ZNF385D: variants seen among roughly 807,000 people sequenced by gnomAD.
The protein encoded by ZNF385D is zinc finger protein 385D.
A neutral mutation model predicts 35.8 loss-of-function variants in ZNF385D; 15 were observed. The ratio of observed to expected loss-of-function variants is 0.42; its 90% CI spans 0.28 to 0.64. The LOEUF is 0.64. ZNF385D is among the 30% of genes least tolerant of loss of function. The pLI, the probability that ZNF385D is intolerant of heterozygous loss-of-function variation, is 0.23. For missense variants in ZNF385D, 474 were observed against 494.6 expected (o/e 0.96, Z 0.39); for synonymous variants, 212 against 186.8 (o/e 1.13, Z -1.10).
At chr3:21,896,850 A>T (rs1040794893) in intron 3 of ZNF385D, among the ~76,000 whole-genome samples, 1 of 151,022 alleles carries the variant, frequency 6.6e-6, no homozygotes, top group Non-Finnish European at 1.5e-5. Context: ...CTTAAACTAG[A>T]CAGAGGTGAG....
At chr3:21,938,350 G>A (rs1575961240) in intron 3 of ZNF385D, among the ~76,000 whole-genome samples, 1 of 152,272 alleles carries the variant, frequency 6.6e-6, no homozygotes, top group East Asian at 1.9e-4. Flanking sequence ...AGTGTATCAG[G>A]TCCAAGCCTG....
chr3:21,467,304 T>C (rs1348112478), intron 4 of ZNF385D, among the ~76,000 whole-genome samples: 2 of 152,192 alleles, frequency 1.3e-5, no homozygotes, highest in Non-Finnish European at 2.9e-5. Flanking sequence ...ATTGTAGTTA[T>C]TAGGAGTTTA....
chr3:21,700,206 G>A (rs1419015358), intron 1 of ZNF385D, among the ~76,000 whole-genome samples: 1 of 152,076 alleles, frequency 6.6e-6, no homozygotes, highest in Non-Finnish European at 1.5e-5. Context: ...GGGTAAAGGG[G>A]TTTAGCATGG....
intron 3 of ZNF385D, among the ~76,000 whole-genome samples, chr3:21,564,242 A>G (rs1257792719): frequency 6.6e-6 from 1 of 152,186 alleles, no homozygotes; most frequent in African/African-American, 2.4e-5. Context: ...GTAACCTATT[A>G]AAAGTTCCAT....
At chr3:21,872,095 A>C (rs932790733) in intron 3 of ZNF385D, among the ~76,000 whole-genome samples, 5 of 152,162 alleles carry the variant, frequency 3.3e-5, no homozygotes, top group African/African-American at 4.8e-5. Context: ...TTTATATTTT[A>C]TATCATCCTA....
At chr3:22,258,774 TTAAAA>T (rs1268964803) in intron 2 of ZNF385D, among the ~76,000 whole-genome samples, 1 of 151,808 alleles carries the variant, frequency 6.6e-6, no homozygotes, top group Non-Finnish European at 1.5e-5. Flanking sequence ...TATTTGCATG[TTAAAA>T]TAACATGTTT....
rs926368756 is a variant in ZNF385D at position 21,523,821 on chromosome 3, A to C, written c.277-12798T>G. Among the ~76,000 whole-genome samples the C allele has an allele frequency of 1.3e-5, 2 of 152,098 alleles. 1 individual carries two copies. ...TAAAACATGTTTGCATTTGTATGAC[A>C]TCACTCTGGCAGGGGCAGGGAGTCT... On this transcript the variant is annotated intron_variant, in intron 3 of 7. Coordinates refer to ENST00000281523, the MANE Select transcript of ZNF385D (RefSeq NM_024697.3).
intron 3 of ZNF385D, among the ~76,000 whole-genome samples, chr3:22,110,788 TAA>T (rs72518246): frequency 3.5e-5 from 5 of 140,934 alleles, no homozygotes; most frequent in East Asian, 2.1e-4. Flanking sequence ...TAAAGTATAA[TAA>T]AAAAAAAAAG....
intron 1 of ZNF385D, among the ~76,000 whole-genome samples, chr3:21,708,861 G>GCACACA (rs34469159): frequency 1.6e-4 from 24 of 148,366 alleles, no homozygotes; most frequent in South Asian, 2.1e-4. Flanking sequence ...GTGTGGGCGT[G>GCACACA]CACACACACA....
chr3:21,526,077 A>G (rs1472597473), intron 3 of ZNF385D, among the ~76,000 whole-genome samples: 1 of 152,162 alleles, frequency 6.6e-6, no homozygotes, highest in Non-Finnish European at 1.5e-5. Context: ...GCTATTTTCC[A>G]CTACATATTC....
At chr3:21,828,245 C>T (rs1345206039) in intron 3 of ZNF385D, among the ~76,000 whole-genome samples, 1 of 152,062 alleles carries the variant, frequency 6.6e-6, no homozygotes, top group Non-Finnish European at 1.5e-5. Flanking sequence ...TTGAGAAGTT[C>T]GTGGTCATGT....
chr3:22,344,911 G>A (rs578043568), intron 2 of ZNF385D, among the ~76,000 whole-genome samples: 343 of 152,256 alleles, frequency 2.3e-3, no homozygotes, highest in Admixed American at 3.4e-3. Flanking sequence ...GGAAGATTTT[G>A]AAGAATGTAG....
chr3:21,819,822 TATG>T (rs1342099397), intron 3 of ZNF385D, among the ~76,000 whole-genome samples: 2 of 145,846 alleles, frequency 1.4e-5, no homozygotes, highest in South Asian at 2.1e-4. Context: ...TATACATAAA[TATG>T]ATACAAATAT....
At chr3:21,705,444 A>C (rs2067860903) in intron 1 of ZNF385D, among the ~76,000 whole-genome samples, 1 of 152,248 alleles carries the variant, frequency 6.6e-6, no homozygotes, top group Non-Finnish European at 1.5e-5. Flanking sequence ...ACTGCAAATT[A>C]GAAACAACTA....
In ZNF385D at chr3:22,033,149, C is replaced by A. The variant is rs531253241; in HGVS notation, c.325+135668G>T. ...GGGCACAGTGGCGCACTCTTGTAACCCTAGCACTTTAGGAGGCTGAGGCAG... is the reference window on the plus strand; with the variant it reads ...GGGCACAGTGGCGCACTCTTGTAACACTAGCACTTTAGGAGGCTGAGGCAG... On this transcript the variant is annotated intron_variant, in intron 3 of 5. Transcript: ENST00000494108. 2.6e-5 allele frequency among the ~76,000 whole-genome samples: 4 copies of A among 152,114 alleles called. No homozygotes were observed. In the East Asian group the frequency reaches 7.7e-4, roughly 29 times the overall value.
chr3:22,080,526 A>G (rs1238801181), intron 3 of ZNF385D, among the ~76,000 whole-genome samples: 1 of 152,122 alleles, frequency 6.6e-6, no homozygotes, highest in Non-Finnish European at 1.5e-5. Context: ...AGTATATAAC[A>G]GTTATTAACT....
chr3:22,004,030 A>G (rs1696033716), intron 3 of ZNF385D, among the ~76,000 whole-genome samples: 1 of 152,192 alleles, frequency 6.6e-6, no homozygotes, highest in South Asian at 2.1e-4. Flanking sequence ...AAAACAGTAC[A>G]GTATGGTGTT....
intron 1 of ZNF385D, among the ~76,000 whole-genome samples, chr3:21,743,248 T>C (rs761487306): frequency 1.8e-4 from 28 of 152,176 alleles, no homozygotes; most frequent in Non-Finnish European, 3.8e-4. Flanking sequence ...ATCAAAGAGA[T>C]CGTAGCACAG....
intron 3 of ZNF385D, among the ~76,000 whole-genome samples, chr3:22,043,770 G>A (rs886590561): frequency 3.9e-5 from 6 of 152,058 alleles, no homozygotes; most frequent in African/African-American, 1.2e-4. Context: ...CGGTAAAAAT[G>A]ACAGGTTGTC....
Sources: allele counts gnomAD v4.1 joint callset (sites outside exome capture counted in the v4.1 genomes callset), GRCh38; gene constraint gnomAD v4.1.1; transcripts MANE v1.5; gene names NCBI Gene and HGNC (gene_info 2026-07-23, HGNC 2026-07-21).